The following XIRP1 variants were observed in gnomAD, a reference collection of about 807,000 sequenced individuals.
The protein encoded by XIRP1 is xin actin-binding repeat-containing protein 1.
For synonymous variants in XIRP1, 984 were observed against 947.0 expected, an observed-to-expected ratio of 1.04 and a Z score of -0.72; for missense variants, 2,378 against 2,345.4, an observed-to-expected ratio of 1.01 and a Z score of -0.29.
At position 39,192,446 on chromosome 3, in the gene XIRP1, C is replaced by T. The variant is rs1165206655; in HGVS notation, c.-81G>A. Reference sequence around the variant, plus strand: ...AAGGATGGAGAGGTAGGTTACTCACCAAGGGTCTCTCTTGGCTGATGGGGT... The same window carrying T: ...AAGGATGGAGAGGTAGGTTACTCACTAAGGGTCTCTCTTGGCTGATGGGGT... On this transcript the variant is annotated splice_region_variant and 5_prime_UTR_variant, in exon 1 of 2. Transcript: ENST00000340369. 1 of 152,296 alleles carries T rather than the reference C, an allele frequency of 6.6e-6. No individual in the cohort carries two copies. The allele number at this position is 152,296 out of a possible 1,614,324, so 9.4% of individuals were successfully genotyped here. A position where few individuals can be genotyped will look rare whatever the true frequency, so the allele number is the denominator to read the frequency against.
Position 39,184,400 on chromosome 3 carries a change from A to T in XIRP1, c.5046T>A (p.Pro1682=). The change falls in exon 2 of 2, where the codon CCT becomes CCA. Residue 1682 remains proline, a synonymous_variant. Coordinates refer to ENST00000340369, the MANE Select transcript of XIRP1 (RefSeq NM_194293.4). Reference sequence around the variant, plus strand: ...TGCCCTTAAAGCTGGGAGTCTCTAGAGGCTTCCTTGTGGCCGACTGGATGG... The same window carrying T: ...TGCCCTTAAAGCTGGGAGTCTCTAGTGGCTTCCTTGTGGCCGACTGGATGG... ...FISIQSATRK[P]LETPSFKGNP... is the part of the protein sequence containing the mutation. 6.2e-7 allele frequency: 1 copy of T among 1,614,070 alleles called. No homozygotes were observed. The highest frequency in any genetic ancestry group is 8.5e-7 in the Non-Finnish European group (1 of 1,180,010).
At position 39,184,877 on chromosome 3, in the gene XIRP1, C is replaced by A; in HGVS notation, c.4569G>T (p.Glu1523Asp). The A allele has an allele frequency of 1.2e-6, 2 of 1,603,948 alleles. No homozygotes were observed. The highest frequency in any genetic ancestry group is 1.3e-5 in the African/African-American group (1 of 74,800). ...CCCGTGTCAGCTCCCCAAAGGCCTGCTCCACTGAGGCCTCGGGCTTTTGGT... is the reference window on the plus strand; with the variant it reads ...CCCGTGTCAGCTCCCCAAAGGCCTGATCCACTGAGGCCTCGGGCTTTTGGT... ...AAHQKPEASV[E>D]QAFGELTRVS... Residue 1523 changes from glutamate (E) to aspartate (D), a missense_variant, in exon 2 of 2, where the codon GAG becomes GAT. Transcript: ENST00000340369.
At chr3:39,189,566 G>A in intron 1 of XIRP1, 41 bp from the exon 2 acceptor site, 4 of 1,446,344 alleles carry the variant, frequency 2.8e-6, no homozygotes, top group Non-Finnish European at 3.7e-6. Flanking sequence ...AGTCAGAGTA[G>A]CTCTGGGTGA....
rs1195369042 is a variant in XIRP1 at position 39,189,097 on chromosome 3, G to A, written c.349C>T (p.Pro117Ser). Residue 117 changes from proline (P) to serine (S), a missense_variant, in exon 2 of 2, where the codon CCC becomes TCC. By Grantham distance (74) the Pro-to-Ser change is moderately conservative. Coordinates refer to ENST00000340369, the MANE Select transcript of XIRP1 (RefSeq NM_194293.4). ...GCCTGGACGTCACCACACAGCACGG[G>A]CTCCTTGGCAGCTGGCCTCTCGTGT... ...GEHERPAAKE[P>S]VLCGDVQATS... The A allele has an allele frequency of 1.2e-5, 20 of 1,614,032 alleles. No homozygotes were observed. The highest frequency in any genetic ancestry group is 2.7e-5 in the African/African-American group (2 of 74,928).
rs750217777 is a variant in XIRP1 at position 39,184,855 on chromosome 3, G to A, written c.4591C>T (p.Arg1531Trp). 57 of 1,609,620 alleles carry A rather than the reference G, an allele frequency of 3.5e-5. No homozygotes were observed. The highest frequency in any genetic ancestry group is 2.2e-4 in the Admixed American group (13 of 59,890). The change falls in exon 2 of 2, where the codon CGG becomes TGG. Residue 1531 changes from arginine (R) to tryptophan (W), a missense_variant. Transcript: ENST00000340369. ...SVEQAFGELT[R>W]VSTEVAQLKE... ...AGTTGAGCAACTTCCGTGCTGACCC[G>A]TGTCAGCTCCCCAAAGGCCTGCTCC... is the stretch of plus-strand genomic sequence containing the variant.
Position 39,186,175 on chromosome 3 carries a change from C to T in XIRP1, c.3271G>A (p.Asp1091Asn). Reference protein sequence around the residue: ...TPTATSNPIQDGLRKAGATQS... With the variant: ...TPTATSNPIQNGLRKAGATQS... ...GTAGCCCCAGCTTTCCGAAGACCGTCCTGGATGGGGTTGGAAGTGGCTGTT... is the reference window on the plus strand; with the variant it reads ...GTAGCCCCAGCTTTCCGAAGACCGTTCTGGATGGGGTTGGAAGTGGCTGTT... Residue 1091 changes from aspartate to asparagine, a missense_variant, in exon 2 of 2, where the codon GAC (aspartate) becomes AAC (asparagine). Coordinates refer to ENST00000340369, the MANE Select transcript of XIRP1 (RefSeq NM_194293.4). 6.2e-7 allele frequency: 1 copy of T among 1,613,868 alleles called. No homozygotes were observed. Among genetic ancestry groups the T allele is most frequent in the Non-Finnish European group, 8.5e-7 (1 of 1,179,892 alleles).
rs559878697 is a variant in XIRP1 at position 39,187,540 on chromosome 3, C to T, written c.1906G>A (p.Asp636Asn). 5 of 1,614,080 alleles carry T rather than the reference C, an allele frequency of 3.1e-6. No individual in the cohort carries two copies. In the Admixed American group the frequency reaches 5.0e-5, roughly 16 times the overall value. Reference sequence around the variant, plus strand: ...TGCTCCCTGGAGCCCACTGGCCTGTCCACAGGTTGGGGCTTGAACATCCAG... The same window carrying T: ...TGCTCCCTGGAGCCCACTGGCCTGTTCACAGGTTGGGGCTTGAACATCCAG... ...CTWMFKPQPV[D>N]RPVGSREQHL... is the part of the protein sequence containing the mutation. The change falls in exon 2 of 2, where the codon GAC becomes AAC. Residue 636 changes from aspartate to asparagine, a missense_variant. Asp to Asn is a conservative substitution (Grantham distance 23). Transcript: ENST00000340369.
Position 39,185,049 on chromosome 3 carries a change from CT to C in XIRP1, c.4396del (p.Arg1466GlufsTer10). The C allele has an allele frequency of 6.6e-7, 1 of 1,521,952 alleles. No homozygotes were observed. The highest frequency in any genetic ancestry group is 8.8e-7 in the Non-Finnish European group (1 of 1,138,436). The allele number at this position is 1,521,952 out of a possible 1,614,324, so 94.3% of individuals were successfully genotyped here. Reference sequence around the variant, plus strand: ...GAGGCCCTGGAGCTCTTTCTGGTTTCTTTGCAGACTGTCAGGGCTCTCAGGG... The same window carrying C: ...GAGGCCCTGGAGCTCTTTCTGGTTTCTTGCAGACTGTCAGGGCTCTCAGGG... The part of the protein sequence containing the change: ...GAPESPDSLQ[R>X]NQKELQGLLN... On this transcript the variant is annotated frameshift_variant, in exon 2 of 2. Coordinates refer to ENST00000340369, the MANE Select transcript of XIRP1 (RefSeq NM_194293.4). LOFTEE classifies it low-confidence loss of function (END_TRUNC).
chr3:39,186,540 C>G lies in XIRP1; in HGVS notation c.2906G>C (p.Ser969Thr). Residue 969 changes from serine (S) to threonine (T), a missense_variant, in exon 2 of 2, where the codon AGC becomes ACC. Coordinates refer to ENST00000340369, the MANE Select transcript of XIRP1 (RefSeq NM_194293.4). ...EGAQSLHPTESIIHVPPLDPS... is the reference protein window; with the variant it reads ...EGAQSLHPTETIIHVPPLDPS... ...GTCCAGTGGGGGAACATGGATGATG[C>G]TCTCAGTTGGGTGCAGGCTCTGGGC... 1 of 1,612,078 alleles carries G rather than the reference C, an allele frequency of 6.2e-7. No homozygotes were observed. The highest frequency in any genetic ancestry group is 8.5e-7 in the Non-Finnish European group (1 of 1,179,036).
Position 39,185,331 on chromosome 3 carries a change from TG to T in XIRP1, c.4114del (p.Gln1372SerfsTer9). 1 of 1,614,198 alleles carries T rather than the reference TG, an allele frequency of 6.2e-7. No homozygotes were observed. On this transcript the variant is annotated frameshift_variant, in exon 2 of 2. Transcript: ENST00000340369. LOFTEE classifies it low-confidence loss of function (END_TRUNC). ...QRGERDTAIPQPAKVPTTVDQ... is the reference protein window; with the variant it reads ...QRGERDTAIPXPAKVPTTVDQ... ...TACAGTAGTGGGAACCTTGGCTGGC[TG>T]AGGGATGGCTGTATCTCTCTCACCT...
chr3:39,186,618 CTG>C lies in XIRP1; in HGVS notation c.2826_2827del (p.His942GlnfsTer9). 6.2e-7 allele frequency: 1 copy of C among 1,609,330 alleles called. No individual in the cohort carries two copies. The highest frequency in any genetic ancestry group is 8.5e-7 in the Non-Finnish European group (1 of 1,176,624). On this transcript the variant is annotated frameshift_variant, in exon 2 of 2. Coordinates refer to ENST00000340369, the MANE Select transcript of XIRP1 (RefSeq NM_194293.4). LOFTEE classifies it low-confidence loss of function (END_TRUNC). Reference sequence around the variant, plus strand: ...GTCAGCCGGGGGCTCCCACCGCAGACTGTGCAGGCCACTCAGGTCTCCTTTAT... The same window carrying C: ...GTCAGCCGGGGGCTCCCACCGCAGACTGCAGGCCACTCAGGTCTCCTTTAT...
At position 39,186,656 on chromosome 3, in the gene XIRP1, G is replaced by A. The variant is rs760447955; in HGVS notation, c.2790C>T (p.Ala930=). 9 of 1,613,254 alleles carry A rather than the reference G, an allele frequency of 5.6e-6. No individual in the cohort carries two copies. The highest frequency in any genetic ancestry group is 1.6e-4 in the Middle Eastern group (1 of 6,078). The change falls in exon 2 of 2, where the codon GCC becomes GCT. Residue 930 remains alanine, a synonymous_variant. Coordinates refer to ENST00000340369, the MANE Select transcript of XIRP1 (RefSeq NM_194293.4). ...TCAGGTCTCCTTTATCTATGCAGCT[G>A]GCCAACAGCTGCACGCTGCTCCTCT... ...ASERSSVQLL[A]SCIDKGDLSG... is the part of the protein sequence containing the mutation.
rs761771175 is a variant in XIRP1 at position 39,185,749 on chromosome 3, G to A, written c.3697C>T (p.Arg1233Cys). The change falls in exon 2 of 2, where the codon CGC (arginine) becomes TGC (cysteine). Residue 1233 changes from arginine to cysteine, a missense_variant. Physicochemically the swap from Arg to Cys is radical, Grantham distance 180 (BLOSUM62 -3). Coordinates refer to ENST00000340369, the MANE Select transcript of XIRP1 (RefSeq NM_194293.4). ...TGGGGCCCAGAGGCCAGAATGTGGC[G>A]GCCTAGAGGGGCAGTCTTCAGGGTG... ...ETTLKTAPLG[R>C]HILASGPQAA... 15 of 1,606,866 alleles carry A rather than the reference G, an allele frequency of 9.3e-6. No homozygotes were observed. Among genetic ancestry groups the A allele is most frequent in the Admixed American group, 6.8e-5 (4 of 59,136 alleles).
rs2039988028 is a variant in XIRP1, at chr3:39,186,855, G to C, written c.2591C>G (p.Thr864Ser). 6.2e-7 allele frequency: 1 copy of C among 1,613,940 alleles called. No homozygotes were observed. The highest frequency in any genetic ancestry group is 1.3e-5 in the African/African-American group (1 of 75,054). Residue 864 changes from threonine to serine, a missense_variant, in exon 2 of 2, where the codon ACT becomes AGT. Physicochemically the swap from Thr to Ser is moderately conservative, Grantham distance 58 (BLOSUM62 1). Transcript: ENST00000340369. ...TTCAATATTCCCACTGCTGCCTGGA[G>C]TTGGCAGCCTCAGCGGCTTGAGTTG... ...QLQLKPLRLP[T>S]PGSSGNIEDM...
rs2040014850 is a variant in XIRP1 at position 39,187,888 on chromosome 3, G to T, written c.1558C>A (p.Pro520Thr). The T allele has an allele frequency of 1.2e-6, 2 of 1,614,090 alleles. No individual in the cohort carries two copies. Among genetic ancestry groups the T allele is most frequent in the Non-Finnish European group, 1.7e-6 (2 of 1,180,044 alleles). ...QGYRWMFETQ[P>T]LDQLGRSPST... is the part of the protein sequence containing the mutation. Reference sequence around the variant, plus strand: ...GGGCTTCGGCCGAGCTGGTCTAGGGGCTGTGTCTCAAACATCCACCTGTAG... The same window carrying T: ...GGGCTTCGGCCGAGCTGGTCTAGGGTCTGTGTCTCAAACATCCACCTGTAG... Residue 520 changes from proline (P) to threonine (T), a missense_variant, in exon 2 of 2, where the codon CCC (proline) becomes ACC (threonine). Physicochemically the swap from Pro to Thr is conservative, Grantham distance 38 (BLOSUM62 -1). Transcript: ENST00000340369.
chr3:39,183,722 AC>A lies in XIRP1; in HGVS notation c.*191del. 9.9e-7 allele frequency: 1 copy of A among 1,007,672 alleles called. No individual in the cohort carries two copies. Among genetic ancestry groups the A allele is most frequent in the Non-Finnish European group, 1.4e-6 (1 of 715,478 alleles). 62.4% of individuals were successfully genotyped at this position (1,007,672 alleles called of 1,614,324 possible). Reference sequence around the variant, plus strand: ...GTGCAACTCTGTGGGCCTCTTCCAGACCTTTCTTTTTCCATTTGGAAGAACT... The same window carrying A: ...GTGCAACTCTGTGGGCCTCTTCCAGACTTTCTTTTTCCATTTGGAAGAACT... On this transcript the variant is annotated 3_prime_UTR_variant, in exon 2 of 2. Coordinates refer to ENST00000340369, the MANE Select transcript of XIRP1 (RefSeq NM_194293.4).
intron 1 of XIRP1, among the ~76,000 whole-genome samples, chr3:39,191,444 G>A (rs1277267982): frequency 1.3e-5 from 2 of 151,072 alleles, no homozygotes; most frequent in African/African-American, 2.4e-5. Context: ...CAGGCCTAAG[G>A]ACCCTCAGAG....
chr3:39,192,241 G>A (rs1334388555), intron 1 of XIRP1, among the ~76,000 whole-genome samples: 2 of 152,246 alleles, frequency 1.3e-5, no homozygotes, highest in Non-Finnish European at 2.9e-5. Flanking sequence ...CAGCCACTCT[G>A]AGAGCTCCCA....
chr3:39,185,109 C>G lies in XIRP1; in HGVS notation c.4337G>C (p.Gly1446Ala), dbSNP rs542751787. The change falls in exon 2 of 2, where the codon GGA becomes GCA. Residue 1446 changes from glycine (G) to alanine (A), a missense_variant. Transcript: ENST00000340369. The stretch of plus-strand genomic sequence containing the variant: ...GTGGGAACCTTCCATGGGCTGCTCT[C>G]CTGAGGGGCCGGGGCCCCACTGTGG... ...TSPQWGPGPSGEQPMEGSHQG... is the reference protein window; with the variant it reads ...TSPQWGPGPSAEQPMEGSHQG... 3.2e-6 allele frequency: 5 copies of G among 1,551,558 alleles called. No individual in the cohort carries two copies. The East Asian group carries it at 9.0e-5, about 28-fold the overall frequency.
Sources: allele counts gnomAD v4.1 joint callset (sites outside exome capture counted in the v4.1 genomes callset), GRCh38; gene constraint gnomAD v4.1.1; transcripts MANE v1.5; gene names NCBI Gene and HGNC (gene_info 2026-07-23, HGNC 2026-07-21).